RERE: variants seen among roughly 807,000 people sequenced by gnomAD.
RERE encodes arginine-glutamic acid dipeptide repeats, also known as arginine-glutamic acid dipeptide repeats protein.
In RERE, 40 loss-of-function variants were observed where a neutral mutation model predicts 146.1. That is an observed-to-expected ratio of 0.27 (90% CI 0.21 to 0.36). The LOEUF (loss-of-function observed/expected upper bound fraction) is 0.36, where lower values mean the gene tolerates loss of function less well. Among genes scored for constraint, RERE ranks in the 10% least tolerant of loss-of-function variants. RERE has a pLI of 1.00. For missense variants in RERE, 1,933 were observed against 2,138.7 expected (o/e 0.90, Z 1.90); for synonymous variants, 1,003 against 866.0 (o/e 1.16, Z -2.78).
At chr1:8,693,372 T>A (rs1639250887) in intron 1 of RERE, among the ~76,000 whole-genome samples, 1 of 152,130 alleles carries the variant, frequency 6.6e-6, no homozygotes, top group African/African-American at 2.4e-5. Flanking sequence ...AGCAGATAAA[T>A]AAACTTCAGC....
chr1:8,541,389 G>T lies in RERE; in HGVS notation c.726-71C>A, dbSNP rs77274268. Reference sequence around the variant, plus strand: ...TTGCTAACCAAAACTGGAGGGGGAAGGGTGGAGGAAGCACTGAACTAAGTC... The same window carrying T: ...TTGCTAACCAAAACTGGAGGGGGAATGGTGGAGGAAGCACTGAACTAAGTC... On this transcript the variant is annotated intron_variant, in intron 6 of 22. Coordinates refer to ENST00000400908, the MANE Select transcript of RERE (RefSeq NM_001042681.2). 8.6e-4 allele frequency: 761 copies of T among 887,838 alleles called. 7 individuals are homozygous for T. In the East Asian group the frequency reaches 0.017, roughly 19 times the overall value. 55.0% of individuals were successfully genotyped at this position (887,838 alleles called of 1,614,324 possible). A position where few individuals can be genotyped will look rare whatever the true frequency, so the allele number is the denominator to read the frequency against.
At chr1:8,435,538 C>T (rs1644158837) in intron 11 of RERE, among the ~76,000 whole-genome samples, 1 of 152,154 alleles carries the variant, frequency 6.6e-6, no homozygotes, top group Non-Finnish European at 1.5e-5. Flanking sequence ...AGATGTTCTT[C>T]GTTCAAACCC....
At chr1:8,366,179 C>T (rs1557591529) in intron 12 of RERE, among the ~76,000 whole-genome samples, 3 of 152,234 alleles carry the variant, frequency 2.0e-5, no homozygotes, top group Admixed American at 6.5e-5. Flanking sequence ...GAATGGGGCC[C>T]GCCTCCTCAG....
chr1:8,358,932 A>G lies in RERE; in HGVS notation c.3619-16T>C. 6.6e-7 allele frequency: 1 copy of G among 1,509,932 alleles called. No individual in the cohort carries two copies. Among genetic ancestry groups the G allele is most frequent in the East Asian group, 2.3e-5 (1 of 43,396 alleles). The allele number at this position is 1,509,932 out of a possible 1,614,324, so 93.5% of individuals were successfully genotyped here. A position where few individuals can be genotyped will look rare whatever the true frequency, so the allele number is the denominator to read the frequency against. ...TGGACGCCTTCTGCAGAAGGAAAAG[A>G]AAGCGTGAGGGGTCCCCCGAGCGCC... On this transcript the variant is annotated splice_polypyrimidine_tract_variant and intron_variant, in intron 19 of 22. Transcript: ENST00000400908.
chr1:8,355,159 C>A, intron 22 of RERE, 39 bp from the exon 23 acceptor site: 1 of 1,609,766 alleles, frequency 6.2e-7, no homozygotes, highest in Non-Finnish European at 8.5e-7. Context: ...TAGTCTCAGG[C>A]CTAGGCAGGC....
At chr1:8,687,817 G>A (rs1639124124) in intron 1 of RERE, among the ~76,000 whole-genome samples, 1 of 152,140 alleles carries the variant, frequency 6.6e-6, no homozygotes, top group Admixed American at 6.5e-5. Context: ...GGGTTTTAAT[G>A]CCTTAAGCCA....
chr1:8,741,068 C>G (rs1265874685), intron 1 of RERE, among the ~76,000 whole-genome samples: 4 of 152,142 alleles, frequency 2.6e-5, no homozygotes, highest in African/African-American at 9.7e-5. Context: ...ACCAGCATCA[C>G]CACACACATG....
intron 11 of RERE, among the ~76,000 whole-genome samples, chr1:8,462,514 GTTTCT>G (rs1644540067): frequency 1.3e-5 from 2 of 152,260 alleles, no homozygotes; most frequent in Admixed American, 1.3e-4. Flanking sequence ...TGAGAGGTTA[GTTTCT>G]TCATAGAGCA....
chr1:8,486,681 T>A, intron 10 of RERE, among the ~76,000 whole-genome samples: 1 of 138,160 alleles, frequency 7.2e-6, no homozygotes. Flanking sequence ...TCTAAAGAGA[T>A]CAATAATGTT....
chr1:8,815,455 T>G (rs912375770), intron 1 of RERE, among the ~76,000 whole-genome samples: 2 of 152,012 alleles, frequency 1.3e-5, no homozygotes, highest in Non-Finnish European at 2.9e-5. Context: ...CAATGAGAAA[T>G]ACAAAAGCAA....
intron 4 of RERE, among the ~76,000 whole-genome samples, chr1:8,566,037 T>G (rs1207671049): frequency 2.0e-5 from 3 of 152,254 alleles, no homozygotes; most frequent in Admixed American, 6.5e-5. Flanking sequence ...TGTTTCATTT[T>G]GAGAGGGCAG....
intron 1 of RERE, among the ~76,000 whole-genome samples, chr1:8,740,987 A>T (rs1640295039): frequency 6.6e-6 from 1 of 152,240 alleles, no homozygotes; most frequent in Non-Finnish European, 1.5e-5. Context: ...AATCACTATC[A>T]AGTATTACGT....
intron 12 of RERE, among the ~76,000 whole-genome samples, chr1:8,390,825 C>A (rs929134808): frequency 6.6e-6 from 1 of 152,188 alleles, no homozygotes; most frequent in Admixed American, 6.5e-5. Flanking sequence ...ACTTCCCCTA[C>A]CCAGTGGCTC....
chr1:8,469,802 T>C (rs1259350965), intron 10 of RERE, among the ~76,000 whole-genome samples: 2 of 152,198 alleles, frequency 1.3e-5, no homozygotes, highest in Non-Finnish European at 2.9e-5. Flanking sequence ...TTTTAAACTA[T>C]AGCTGGAAGA....
At chr1:8,696,092 A>C (rs1190954895) in intron 1 of RERE, among the ~76,000 whole-genome samples, 1 of 152,174 alleles carries the variant, frequency 6.6e-6, no homozygotes, top group Non-Finnish European at 1.5e-5. Context: ...GACACTGGTG[A>C]GGCTGTGGAT....
At chr1:8,541,471 T>C (rs555635308) in intron 6 of RERE, among the ~76,000 whole-genome samples, 153 bp from the exon 7 acceptor site, 1 of 152,342 alleles carries the variant, frequency 6.6e-6, no homozygotes, top group South Asian at 2.1e-4. Flanking sequence ...ATTCAGCTGT[T>C]TCATGACTGC....
At chr1:8,667,457 C>G (rs1442986574) in intron 1 of RERE, among the ~76,000 whole-genome samples, 1 of 152,184 alleles carries the variant, frequency 6.6e-6, no homozygotes, top group East Asian at 1.9e-4. Context: ...AGGAGGATCA[C>G]CTGAGGTCAA....
chr1:8,660,768 GA>G, intron 1 of RERE, among the ~76,000 whole-genome samples: 1 of 152,282 alleles, frequency 6.6e-6, no homozygotes, highest in Non-Finnish European at 1.5e-5. Context: ...CAAAAACATT[GA>G]AAATATCTGT....
chr1:8,455,889 G>A (rs987086401), intron 11 of RERE, among the ~76,000 whole-genome samples: 1 of 152,160 alleles, frequency 6.6e-6, no homozygotes, highest in African/African-American at 2.4e-5. Context: ...TCAGTCATGG[G>A]CCACTCCTCA....
Sources: gnomAD v4.1 joint callset for allele counts (sites outside exome capture counted in the v4.1 genomes callset) on GRCh38, gnomAD v4.1.1 for gene constraint, MANE v1.5 for transcripts, NCBI Gene and HGNC (gene_info 2026-07-23, HGNC 2026-07-21) for gene names.